CTSS: variants seen among roughly 807,000 people sequenced by gnomAD.
CTSS encodes the protein cathepsin S.
In CTSS, 15 loss-of-function variants were observed where a neutral mutation model predicts 39.9. The ratio of observed to expected loss-of-function variants is 0.38; its 90% CI spans 0.25 to 0.58. The LOEUF (loss-of-function observed/expected upper bound fraction) is 0.58. Ranked by LOEUF, CTSS falls within the 20% of genes least tolerant of loss-of-function variation. The probability of loss-of-function intolerance (pLI) is 0.70; values close to 1 mark genes in which losing one functional copy is unlikely to be tolerated. For missense variants in CTSS, 250 were observed against 398.2 expected, an observed-to-expected ratio of 0.63 and a Z score of 3.17; for synonymous variants, 126 against 138.2, an observed-to-expected ratio of 0.91 and a Z score of 0.62.
intron 3 of CTSS, among the ~76,000 whole-genome samples, chr1:150,756,708 C>CTTTTT (rs72242218): frequency 2.1e-4 from 28 of 131,152 alleles, no homozygotes; most frequent in East Asian, 1.3e-3. Context: ...TTCTTTCTTT[C>CTTTTT]TTTTTTTTTT....
chr1:150,733,103 T>G lies in CTSS; in HGVS notation c.939A>C (p.Ala313=), dbSNP rs1461056222. ...NFGEEGYIRM[A]RNKGNHCGIA... is the part of the protein sequence containing the mutation. ...TCCCACAATGATTTCCTTTATTTCTTGCCATCCGAATATATCCTTCTTCAC... is the reference window on the plus strand; with the variant it reads ...TCCCACAATGATTTCCTTTATTTCTGGCCATCCGAATATATCCTTCTTCAC... Residue 313 remains alanine, a synonymous_variant, in exon 8 of 8, where the codon GCA becomes GCC. Coordinates refer to ENST00000368985, the MANE Select transcript of CTSS (RefSeq NM_004079.5). 5.6e-6 allele frequency: 9 copies of G among 1,613,776 alleles called. No homozygotes were observed. In the South Asian group the frequency reaches 9.9e-5, roughly 18 times the overall value.
In CTSS at chr1:150,764,768, T is replaced by A. The variant is rs202057733; in HGVS notation, c.-1-4A>T. ...CACACAAACCAGCCGTTTCATTCTG[T>A]GTAAGGAAAGGTAACATAGGAAGTG... On this transcript the variant is annotated splice_polypyrimidine_tract_variant and splice_region_variant and intron_variant, in intron 1 of 7. Coordinates refer to ENST00000368985, the MANE Select transcript of CTSS (RefSeq NM_004079.5). 2.2e-5 allele frequency: 36 copies of A among 1,613,726 alleles called. No homozygotes were observed. The East Asian group carries it at 7.8e-4, about 35-fold the overall frequency.
chr1:150,746,440 C>G (rs1340865632), intron 7 of CTSS, among the ~76,000 whole-genome samples: 1 of 152,156 alleles, frequency 6.6e-6, no homozygotes, highest in Non-Finnish European at 1.5e-5. Context: ...CCCACTTAGT[C>G]TGTGCTGCGG....
At chr1:150,762,327 A>G (rs898739851) in intron 2 of CTSS, among the ~76,000 whole-genome samples, 29 of 152,210 alleles carry the variant, frequency 1.9e-4, no homozygotes, top group African/African-American at 5.8e-4. Flanking sequence ...TACAACCACT[A>G]TAAGAAAATA....
chr1:150,760,398 A>G (rs1244776995), intron 2 of CTSS, among the ~76,000 whole-genome samples: 1 of 152,230 alleles, frequency 6.6e-6, no homozygotes. Flanking sequence ...AGCTAACACC[A>G]TACTCAATTG....
chr1:150,744,806 AATGCCAGTCACATTGTAG>A (rs1652859903), intron 7 of CTSS, among the ~76,000 whole-genome samples: 1 of 150,984 alleles, frequency 6.6e-6, no homozygotes, highest in African/African-American at 2.4e-5. Flanking sequence ...GGGCCTAGAT[AATGCCAGTCACATTGTAG>A]ATGCCTAGTA....
At chr1:150,752,982 T>C (rs1352329523) in intron 4 of CTSS, among the ~76,000 whole-genome samples, 1 of 152,018 alleles carries the variant, frequency 6.6e-6, no homozygotes, top group African/African-American at 2.4e-5. Flanking sequence ...GCCCCTCAAG[T>C]AGCTGGGACT....
At chr1:150,764,110 A>G (rs1653316104) in intron 2 of CTSS, among the ~76,000 whole-genome samples, 1 of 151,980 alleles carries the variant, frequency 6.6e-6, no homozygotes. Flanking sequence ...AGCATACTAC[A>G]TATCTGCTTG....
At chr1:150,739,596 C>T (rs1027254369) in intron 7 of CTSS, among the ~76,000 whole-genome samples, 1 of 151,824 alleles carries the variant, frequency 6.6e-6, no homozygotes, top group Non-Finnish European at 1.5e-5. Context: ...TGGAGGGAGG[C>T]GGAGGTTGCA....
At chr1:150,757,725 A>G in intron 3 of CTSS, 133 bp downstream of exon 3, 1 of 777,216 alleles carries the variant, frequency 1.3e-6, no homozygotes, top group East Asian at 2.8e-5. Context: ...ACGTCCTTCA[A>G]TTCTACTGTT....
intron 7 of CTSS, among the ~76,000 whole-genome samples, chr1:150,736,047 T>A (rs1652630434): frequency 1.3e-5 from 2 of 152,074 alleles, no homozygotes; most frequent in Admixed American, 6.6e-5. Flanking sequence ...CGTGAGCCAC[T>A]GCGCCTGGCC....
chr1:150,737,070 T>G (rs1384923122), intron 7 of CTSS, among the ~76,000 whole-genome samples: 3 of 152,158 alleles, frequency 2.0e-5, no homozygotes, highest in Non-Finnish European at 4.4e-5. Flanking sequence ...TATCCAGGTA[T>G]GAGTACATCA....
At chr1:150,762,731 T>G (rs1472820568) in intron 2 of CTSS, among the ~76,000 whole-genome samples, 1 of 152,152 alleles carries the variant, frequency 6.6e-6, no homozygotes, top group Non-Finnish European at 1.5e-5. Flanking sequence ...AGATATCACC[T>G]CACATCTGTT....
At position 150,751,737 on chromosome 1, in the gene CTSS, A is replaced by G. The variant is rs1410797917; in HGVS notation, c.627+44T>C. ...GCCCAGCACAGTCAGTCAGTGGATAACATGAGATCATGGGGCAGCACAAAA... is the reference window on the plus strand; with the variant it reads ...GCCCAGCACAGTCAGTCAGTGGATAGCATGAGATCATGGGGCAGCACAAAA... On this transcript the variant is annotated intron_variant, in intron 5 of 7. Coordinates refer to ENST00000368985, the MANE Select transcript of CTSS (RefSeq NM_004079.5). 1.9e-6 allele frequency: 3 copies of G among 1,562,242 alleles called. 1 individual carries two copies.
intron 2 of CTSS, among the ~76,000 whole-genome samples, chr1:150,760,320 C>T (rs141575647): frequency 1.4e-4 from 21 of 152,270 alleles, no homozygotes; most frequent in Admixed American, 5.2e-4. Flanking sequence ...TCATAACAAA[C>T]ATTCTCAACA....
intron 3 of CTSS, among the ~76,000 whole-genome samples, chr1:150,756,332 C>G (rs1378401019): frequency 1.3e-5 from 2 of 152,110 alleles, no homozygotes; most frequent in African/African-American, 2.4e-5. Context: ...TTACAGTTAA[C>G]TTTTTAAAAG....
intron 6 of CTSS, among the ~76,000 whole-genome samples, chr1:150,749,557 A>G (rs993904479): frequency 1.4e-5 from 2 of 144,076 alleles, no homozygotes; most frequent in Non-Finnish European, 3.1e-5. Flanking sequence ...GCCTCGCCTC[A>G]CCCCGCCCCG....
chr1:150,759,406 C>T (rs980483657), intron 2 of CTSS, among the ~76,000 whole-genome samples: 1 of 152,094 alleles, frequency 6.6e-6, no homozygotes, highest in Admixed American at 6.5e-5. Flanking sequence ...TTTCATCTCT[C>T]TTACTTGCGT....
At chr1:150,736,187 AC>A (rs1223461696) in intron 7 of CTSS, among the ~76,000 whole-genome samples, 1 of 152,218 alleles carries the variant, frequency 6.6e-6, no homozygotes, top group East Asian at 1.9e-4. Flanking sequence ...ATATTAATAG[AC>A]ACCACTTATT....
Sources: allele counts gnomAD v4.1 joint callset (sites outside exome capture counted in the v4.1 genomes callset), GRCh38; gene constraint gnomAD v4.1.1; transcripts MANE v1.5; gene names NCBI Gene and HGNC (gene_info 2026-07-23, HGNC 2026-07-21).